Variants in PTPRJ observed in about 807,000 individuals in gnomAD.
PTPRJ encodes the protein receptor-type tyrosine-protein phosphatase eta.
A neutral mutation model predicts 141.3 loss-of-function variants in PTPRJ; 129 were observed. That is an observed-to-expected ratio of 0.91 (90% CI 0.79 to 1.06). The LOEUF (loss-of-function observed/expected upper bound fraction) is 1.06, where lower values mean the gene tolerates loss of function less well. PTPRJ is among the 50% of genes least tolerant of loss of function. The pLI is 0.00. For synonymous variants in PTPRJ, 610 were observed against 640.5 expected, an observed-to-expected ratio of 0.95 and a Z score of 0.72; for missense variants, 1,601 against 1,679.7, an observed-to-expected ratio of 0.95 and a Z score of 0.82.
chr11:48,119,059 C>T (rs1856639556), intron 3 of PTPRJ, among the ~76,000 whole-genome samples: 1 of 150,828 alleles, frequency 6.6e-6, no homozygotes, highest in African/African-American at 2.4e-5. Flanking sequence ...GGTGCCATAC[C>T]TTTCTCATGA....
Position 48,149,997 on chromosome 11 carries a change from A to C in PTPRJ, c.3049A>C (p.Lys1017Gln). Residue 1017 changes from lysine (K) to glutamine (Q), a missense_variant and splice_region_variant, in exon 17 of 25, where the codon AAA becomes CAA. Coordinates refer to ENST00000418331, the MANE Select transcript of PTPRJ (RefSeq NM_002843.4). ...EVSFSQIKPK[K>Q]SKLIRVENFE... ...TCCCTTTCTATCATGAAGACCTAAA[A>C]AGTGAGTAATCTCTTTATTTTTTTT... 1 of 1,483,634 alleles carries C rather than the reference A, an allele frequency of 6.7e-7. No individual in the cohort carries two copies. The highest frequency in any genetic ancestry group is 9.4e-7 in the Non-Finnish European group (1 of 1,068,162). The allele number at this position is 1,483,634 out of a possible 1,614,324, so 91.9% of individuals were successfully genotyped here.
At position 48,045,041 on chromosome 11, in the gene PTPRJ, C is replaced by T. The variant is rs542280520; in HGVS notation, c.96+64033C>T. Among the ~76,000 whole-genome samples the T allele has an allele frequency of 3.2e-4, 48 of 152,316 alleles. No individual in the cohort carries two copies. In the South Asian group the frequency reaches 9.7e-3, roughly 31 times the overall value. Reference sequence around the variant, plus strand: ...AGGAGTAGGATCAGGTTTTGAGTAGCACCTTTGGGGTACCCATTCAGTTCC... The same window carrying T: ...AGGAGTAGGATCAGGTTTTGAGTAGTACCTTTGGGGTACCCATTCAGTTCC... On this transcript the variant is annotated intron_variant, in intron 1 of 24. Coordinates refer to ENST00000418331, the MANE Select transcript of PTPRJ (RefSeq NM_002843.4).
intron 1 of PTPRJ, among the ~76,000 whole-genome samples, chr11:48,082,094 G>C (rs75569197): frequency 0.016 from 2,391 of 152,250 alleles, 65 homozygotes; most frequent in African/African-American, 0.055. Context: ...TCCAAATATT[G>C]GCACCTACTA....
chr11:48,166,366 T>G (rs926166585), intron 24 of PTPRJ, among the ~76,000 whole-genome samples: 1 of 151,410 alleles, frequency 6.6e-6, no homozygotes, highest in Non-Finnish European at 1.5e-5. Flanking sequence ...CAGGCTGGAG[T>G]GCAGTGGTGC....
intron 22 of PTPRJ, among the ~76,000 whole-genome samples, chr11:48,161,179 T>TGAAAAAAA (rs1857762907): frequency 2.7e-4 from 1 of 3,656 alleles, no homozygotes; most frequent in Non-Finnish European, 6.7e-4. Flanking sequence ...AGACCCGGTC[T>TGAAAAAAA]CAAAAAAAAA....
At chr11:48,031,571 G>A (rs79990080) in intron 1 of PTPRJ, among the ~76,000 whole-genome samples, 8,168 of 152,236 alleles carry the variant, frequency 0.054, 201 homozygotes, top group Middle Eastern at 0.068. Context: ...ATCACATCGC[G>A]GGATGAAGCA....
chr11:48,077,917 TC>T, intron 1 of PTPRJ, among the ~76,000 whole-genome samples: 1 of 152,210 alleles, frequency 6.6e-6, no homozygotes, highest in East Asian at 1.9e-4. Flanking sequence ...GCAAATTGTA[TC>T]CTGCCCTTCA....
At chr11:48,010,611 C>T (rs1333333177) in intron 1 of PTPRJ, among the ~76,000 whole-genome samples, 1 of 152,022 alleles carries the variant, frequency 6.6e-6, no homozygotes, top group Admixed American at 6.5e-5. Context: ...GATCTTGGCG[C>T]ACTGCAACCT....
chr11:47,990,552 C>T (rs1854163028), intron 1 of PTPRJ, among the ~76,000 whole-genome samples: 1 of 151,932 alleles, frequency 6.6e-6, no homozygotes. Context: ...CCTGGGATTA[C>T]AAGCATGCGC....
chr11:48,142,883 TA>T (rs1330821987), intron 11 of PTPRJ, 35 bp from the exon 12 acceptor site: 2 of 1,591,228 alleles, frequency 1.3e-6, no homozygotes, highest in African/African-American at 2.7e-5. Context: ...TGGTTTTCAA[TA>T]TTGGGTGATC....
intron 1 of PTPRJ, among the ~76,000 whole-genome samples, chr11:47,981,854 G>C (rs1181089316): frequency 6.6e-6 from 1 of 152,198 alleles, no homozygotes. Context: ...GGAGCACCCA[G>C]CCCGTGCCAT....
chr11:48,125,594 C>T (rs60725758), intron 6 of PTPRJ, among the ~76,000 whole-genome samples: 22 of 152,246 alleles, frequency 1.4e-4, no homozygotes, highest in Admixed American at 1.0e-3. Flanking sequence ...TAATTCATAC[C>T]GATCTTTCTG....
At chr11:48,133,708 A>C (rs1159112234) in intron 8 of PTPRJ, among the ~76,000 whole-genome samples, 3 of 152,228 alleles carry the variant, frequency 2.0e-5, no homozygotes, top group Admixed American at 1.3e-4. Flanking sequence ...TGGACCCAAG[A>C]TCCCATCAAC....
At chr11:48,123,284 TA>T (rs1220719904) in intron 4 of PTPRJ, among the ~76,000 whole-genome samples, 3 of 152,234 alleles carry the variant, frequency 2.0e-5, no homozygotes, top group African/African-American at 7.2e-5. Context: ...TGCTACCATT[TA>T]AAAGGGACAG....
At chr11:48,073,327 C>T (rs10838800) in intron 1 of PTPRJ, among the ~76,000 whole-genome samples, 86,767 of 152,174 alleles carry the variant, frequency 0.57, 28,515 homozygotes, top group East Asian at 0.8. Flanking sequence ...CTGAGATCCC[C>T]GGAGGTGCAG....
chr11:48,103,933 G>A (rs1856222558), intron 1 of PTPRJ, among the ~76,000 whole-genome samples: 1 of 152,200 alleles, frequency 6.6e-6, no homozygotes, highest in Non-Finnish European at 1.5e-5. Flanking sequence ...GAGCCAGCGG[G>A]GATCTTTGCA....
intron 1 of PTPRJ, among the ~76,000 whole-genome samples, chr11:48,061,642 C>A (rs1196576460): frequency 1.3e-5 from 2 of 152,188 alleles, no homozygotes; most frequent in African/African-American, 4.8e-5. Flanking sequence ...CATTTGCTCT[C>A]ACCACCTCTC....
chr11:48,020,068 G>A (rs1440417489), intron 1 of PTPRJ, among the ~76,000 whole-genome samples: 1 of 152,136 alleles, frequency 6.6e-6, no homozygotes, highest in South Asian at 2.1e-4. Context: ...GTATTTATAC[G>A]GAACTTATAA....
rs780296844 is a variant in PTPRJ, at chr11:48,123,796, A to T, written c.800A>T (p.Gln267Leu). Reference sequence around the variant, plus strand: ...ATCTCGGGCCTGAAGCCAGGGGTTCAATACAACATCAACCCGTATCTTCTA... The same window carrying T: ...ATCTCGGGCCTGAAGCCAGGGGTTCTATACAACATCAACCCGTATCTTCTA... The part of the protein sequence containing the change: ...VNISGLKPGV[Q>L]YNINPYLLQS... Residue 267 changes from glutamine to leucine, a missense_variant, in exon 5 of 25, where the codon CAA becomes CTA. Transcript: ENST00000418331. 3 of 1,614,144 alleles carry T rather than the reference A, an allele frequency of 1.9e-6. No homozygotes were observed. Among genetic ancestry groups the T allele is most frequent in the Non-Finnish European group, 2.5e-6 (3 of 1,179,994 alleles).
Sources: allele counts gnomAD v4.1 joint callset (sites outside exome capture counted in the v4.1 genomes callset), GRCh38; gene constraint gnomAD v4.1.1; transcripts MANE v1.5; gene names NCBI Gene and HGNC (gene_info 2026-07-23, HGNC 2026-07-21).